ADAMTSL1: variants seen among roughly 807,000 people sequenced by gnomAD.
ADAMTSL1 encodes the protein ADAMTS like 1.
In ADAMTSL1, 126 loss-of-function variants were observed where a neutral mutation model predicts 201.8. The ratio of observed to expected loss-of-function variants is 0.62; its 90% confidence interval spans 0.54 to 0.72. The LOEUF is 0.72. Ranked by LOEUF, ADAMTSL1 falls within the 30% of genes least tolerant of loss-of-function variation. ADAMTSL1 has a pLI of 0.00. For synonymous variants in ADAMTSL1, 1,121 were observed against 903.4 expected (o/e 1.24, Z -4.32); for missense variants, 2,679 against 2,277.8 (o/e 1.18, Z -3.59).
intron 2 of ADAMTSL1, among the ~76,000 whole-genome samples, chr9:18,283,397 A>C (rs1832867015): frequency 6.6e-6 from 1 of 151,536 alleles, no homozygotes; most frequent in Non-Finnish European, 1.5e-5. Flanking sequence ...TTAAGCCCAG[A>C]ACTTTGAAAA....
At chr9:17,922,853 CAGATGTTTAGG>C (rs1230226666) in intron 1 of ADAMTSL1, among the ~76,000 whole-genome samples, 1 of 152,086 alleles carries the variant, frequency 6.6e-6, no homozygotes. Context: ...AAGTGGTTTT[CAGATGTTTAGG>C]AATAGCCTCA....
chr9:18,340,846 T>G (rs1179760048), intron 2 of ADAMTSL1, among the ~76,000 whole-genome samples: 1 of 152,156 alleles, frequency 6.6e-6, no homozygotes, highest in Non-Finnish European at 1.5e-5. Context: ...TAAACCTCTT[T>G]CCTTTATAAA....
At chr9:18,681,986 G>T in intron 12 of ADAMTSL1, 27 bp downstream of exon 12, 1 of 1,612,346 alleles carries the variant, frequency 6.2e-7, no homozygotes, top group Non-Finnish European at 8.5e-7. Flanking sequence ...TCTATTACCA[G>T]CCTGTTAATT....
At chr9:17,965,780 G>A (rs1817958780) in intron 1 of ADAMTSL1, among the ~76,000 whole-genome samples, 1 of 152,140 alleles carries the variant, frequency 6.6e-6, no homozygotes, top group Admixed American at 6.6e-5. Flanking sequence ...GTGGTTGACT[G>A]TTTCTCCAGG....
intron 3 of ADAMTSL1, among the ~76,000 whole-genome samples, chr9:18,537,945 AGAAGAAGAAG>A (rs1474807256): frequency 6.8e-6 from 1 of 148,002 alleles, no homozygotes; most frequent in Non-Finnish European, 1.5e-5. Flanking sequence ...AGGAAGAGGA[AGAAGAAGAAG>A]GAAGAAGAGA....
At chr9:18,507,196 A>C (rs1817723601) in intron 2 of ADAMTSL1, among the ~76,000 whole-genome samples, 1 of 152,204 alleles carries the variant, frequency 6.6e-6, no homozygotes, top group Admixed American at 6.5e-5. Context: ...AACAACATAG[A>C]GGTTGATTTA....
intron 21 of ADAMTSL1, among the ~76,000 whole-genome samples, chr9:18,820,218 T>A (rs1458741478): frequency 2.6e-5 from 4 of 151,890 alleles, no homozygotes; most frequent in African/African-American, 9.7e-5. Flanking sequence ...TTATGGAGTA[T>A]TTAATCCAGG....
chr9:17,946,562 T>G (rs894058329), intron 1 of ADAMTSL1, among the ~76,000 whole-genome samples: 2 of 152,152 alleles, frequency 1.3e-5, no homozygotes, highest in Non-Finnish European at 1.5e-5. Context: ...TTAGGCCTTT[T>G]GAACTTTTTT....
intron 2 of ADAMTSL1, among the ~76,000 whole-genome samples, chr9:18,208,431 C>G (rs1829742279): frequency 6.6e-6 from 1 of 151,982 alleles, no homozygotes; most frequent in Non-Finnish European, 1.5e-5. Context: ...CACCTGCAGC[C>G]CATGGATCAT....
chr9:18,674,607 TC>T (rs1463661077), intron 9 of ADAMTSL1, among the ~76,000 whole-genome samples: 5 of 151,958 alleles, frequency 3.3e-5, no homozygotes, highest in Admixed American at 3.3e-4. Flanking sequence ...TCATCTTATA[TC>T]AGAGGAATGG....
intron 15 of ADAMTSL1, among the ~76,000 whole-genome samples, chr9:18,737,255 G>T (rs992439915): frequency 7.2e-6 from 1 of 139,362 alleles, no homozygotes; most frequent in African/African-American, 2.6e-5. Context: ...GGAGGTGGAG[G>T]TTGCAGTGAA....
intron 2 of ADAMTSL1, among the ~76,000 whole-genome samples, chr9:18,373,724 A>C (rs1837159521): frequency 1.3e-5 from 2 of 152,176 alleles, no homozygotes; most frequent in Non-Finnish European, 2.9e-5. Flanking sequence ...AGGCTAATAC[A>C]AAGGACATAG....
Position 18,536,436 on chromosome 9 carries a change from A to G in ADAMTSL1, c.237+3144A>G, listed in dbSNP as rs1236389449. ...TATGAGGAGTAGAAAACATCTCCCC[A>G]GTTTCCCTTTTTTTTTTTTTTTCCT... On this transcript the variant is annotated intron_variant, in intron 3 of 28. Coordinates refer to ENST00000380548, the MANE Select transcript of ADAMTSL1 (RefSeq NM_001040272.6). 5.2e-5 allele frequency among the ~76,000 whole-genome samples: 7 copies of G among 135,556 alleles called. No individual in the cohort carries two copies. The Admixed American group carries it at 5.5e-4, about 11-fold the overall frequency. 88.9% of individuals were successfully genotyped at this position (135,556 alleles called of 152,430 possible). A position where few individuals can be genotyped will look rare whatever the true frequency, so the allele number is the denominator to read the frequency against.
intron 23 of ADAMTSL1, among the ~76,000 whole-genome samples, chr9:18,861,255 T>C (rs1282065076): frequency 1.3e-5 from 2 of 152,176 alleles, no homozygotes; most frequent in Admixed American, 6.5e-5. Context: ...CTATGGAAAA[T>C]AGGGAAGCCC....
chr9:18,180,458 G>A (rs113665065), intron 2 of ADAMTSL1, among the ~76,000 whole-genome samples: 15 of 151,034 alleles, frequency 9.9e-5, no homozygotes, highest in African/African-American at 2.4e-4. Flanking sequence ...GCGTGAACCC[G>A]GGAGGCGGAG....
chr9:18,052,493 G>T (rs572768545), intron 1 of ADAMTSL1, among the ~76,000 whole-genome samples: 3 of 152,122 alleles, frequency 2.0e-5, no homozygotes, highest in Non-Finnish European at 2.9e-5. Flanking sequence ...GAGAGTGGAC[G>T]AATTTGCTGC....
chr9:18,185,987 G>C (rs1056565466), intron 2 of ADAMTSL1, among the ~76,000 whole-genome samples: 4 of 152,178 alleles, frequency 2.6e-5, no homozygotes, highest in Non-Finnish European at 5.9e-5. Flanking sequence ...TATGGTCAAA[G>C]AATTACATAT....
At chr9:17,983,336 T>G (rs1415433704) in intron 1 of ADAMTSL1, among the ~76,000 whole-genome samples, 1 of 152,152 alleles carries the variant, frequency 6.6e-6, no homozygotes, top group Non-Finnish European at 1.5e-5. Context: ...CCCAAAGTGC[T>G]GGGATTACAG....
At chr9:18,388,144 G>C (rs558700197) in intron 2 of ADAMTSL1, among the ~76,000 whole-genome samples, 1 of 151,690 alleles carries the variant, frequency 6.6e-6, no homozygotes, top group South Asian at 2.1e-4. Context: ...TTATGTCCCT[G>C]AATTTTACAC....
Sources: allele counts gnomAD v4.1 joint callset (sites outside exome capture counted in the v4.1 genomes callset), GRCh38; gene constraint gnomAD v4.1.1; transcripts MANE v1.5; gene names NCBI Gene and HGNC (gene_info 2026-07-23, HGNC 2026-07-21).